The following SDK1 variants were observed in gnomAD, a reference collection of about 807,000 sequenced individuals.
SDK1 encodes sidekick cell adhesion molecule 1, also known as protein sidekick-1.
Under a neutral mutation model 245.5 loss-of-function variants are expected in SDK1, and 157 were observed. That is an observed-to-expected ratio of 0.64 (90% confidence interval 0.56 to 0.73). The LOEUF (loss-of-function observed/expected upper bound fraction) is 0.73. SDK1 is among the 30% of genes least tolerant of loss of function. The probability of loss-of-function intolerance (pLI) is 0.00; values close to 1 mark genes in which losing one functional copy is unlikely to be tolerated. For synonymous variants in SDK1, 1,647 were observed against 1,278.5 expected (o/e 1.29, Z -6.15); for missense variants, 3,583 against 3,002.3 (o/e 1.19, Z -4.52).
In SDK1 at chr7:3,911,494, G is replaced by A. The variant is rs535522212; in HGVS notation, c.848-39429G>A. On this transcript the variant is annotated intron_variant, in intron 5 of 44. Coordinates refer to ENST00000404826, the MANE Select transcript of SDK1 (RefSeq NM_152744.4). ...TCCTCACATGGCGGAAAGGGCAGAC[G>A]GGCTTCCTCAGGCTACCTGAGGAAG... Among the ~76,000 whole-genome samples, 9 of 152,192 alleles carry A rather than the reference G, an allele frequency of 5.9e-5. No homozygotes were observed. The South Asian group carries it at 1.2e-3, about 21-fold the overall frequency.
Position 3,631,189 on chromosome 7 carries a change from C to T in SDK1, c.459-7815C>T, listed in dbSNP as rs144424724. ...GCTCAAGCGATCCACCCACCTTGGC[C>T]TCCCAAAGTGCTGGGATTACAGATG... On this transcript the variant is annotated intron_variant, in intron 2 of 44. Transcript: ENST00000404826. 7.1e-3 allele frequency among the ~76,000 whole-genome samples: 1,083 copies of T among 152,330 alleles called. 3 individuals carry two copies. Among genetic ancestry groups the T allele is most frequent in the Non-Finnish European group, 0.012 (816 of 68,028 alleles).
chr7:3,755,552 C>T (rs1052042927), intron 4 of SDK1, among the ~76,000 whole-genome samples: 4 of 152,098 alleles, frequency 2.6e-5, no homozygotes, highest in East Asian at 3.9e-4. Context: ...TTTTTTAATT[C>T]GTACCCCACA....
intron 4 of SDK1, among the ~76,000 whole-genome samples, chr7:3,730,743 A>G (rs1779152126): frequency 6.6e-6 from 1 of 152,170 alleles, no homozygotes; most frequent in Non-Finnish European, 1.5e-5. Context: ...ATGGATCAAC[A>G]GGCAGCCAAT....
In SDK1 at chr7:4,267,378, A is replaced by G. The variant is rs963456647; in HGVS notation, c.*1994A>G. 7.1e-6 allele frequency: 7 copies of G among 984,506 alleles called. No homozygotes were observed. The highest frequency in any genetic ancestry group is 6.2e-5 in the Admixed American group (1 of 16,176). 61.0% of individuals were successfully genotyped at this position (984,506 alleles called of 1,614,324 possible). A position where few individuals can be genotyped will look rare whatever the true frequency, so the allele number is the denominator to read the frequency against. On this transcript the variant is annotated 3_prime_UTR_variant, in exon 45 of 45. Transcript: ENST00000404826. ...CCTCCTTTTTCTGAGTGGAGGGGGAAATATTCTAAACCAAAAATCCTAGAT... is the reference window on the plus strand; with the variant it reads ...CCTCCTTTTTCTGAGTGGAGGGGGAGATATTCTAAACCAAAAATCCTAGAT...
chr7:4,100,820 G>T lies in SDK1; in HGVS notation c.3325-9843G>T, dbSNP rs143821959. On this transcript the variant is annotated intron_variant, in intron 22 of 44. Transcript: ENST00000404826. ...CTGGAGAGGGAGGCTGGACCGCTCGGCACAGCAAGAGCCGTGAATTGGAGT... is the reference window on the plus strand; with the variant it reads ...CTGGAGAGGGAGGCTGGACCGCTCGTCACAGCAAGAGCCGTGAATTGGAGT... Among the ~76,000 whole-genome samples the T allele has an allele frequency of 4.6e-3, 697 of 152,312 alleles. 4 individuals are homozygous for T. Among genetic ancestry groups the T allele is most frequent in the South Asian group, 0.03 (145 of 4,828 alleles).
intron 4 of SDK1, among the ~76,000 whole-genome samples, chr7:3,707,841 A>G (rs1022381916): frequency 6.6e-6 from 1 of 152,032 alleles, no homozygotes; most frequent in Non-Finnish European, 1.5e-5. Context: ...TTGTTGCTTT[A>G]AAGTCTGTTT....
At chr7:3,857,093 A>G (rs1780566004) in intron 5 of SDK1, among the ~76,000 whole-genome samples, 1 of 152,190 alleles carries the variant, frequency 6.6e-6, no homozygotes, top group Non-Finnish European at 1.5e-5. Flanking sequence ...AACTGAAAAA[A>G]ATTACTCTTA....
Position 4,267,644 on chromosome 7 carries a change from T to A in SDK1, c.*2260T>A. The A allele has an allele frequency of 1.0e-6, 1 of 985,496 alleles. No individual in the cohort carries two copies. The highest frequency in any genetic ancestry group is 4.7e-5 in the South Asian group (1 of 21,290). The allele number at this position is 985,496 out of a possible 1,614,324, so 61.0% of individuals were successfully genotyped here. A position where few individuals can be genotyped will look rare whatever the true frequency, so the allele number is the denominator to read the frequency against. On this transcript the variant is annotated 3_prime_UTR_variant, in exon 45 of 45. Coordinates refer to ENST00000404826, the MANE Select transcript of SDK1 (RefSeq NM_152744.4). ...GCAGCCATGAGGATGTGGCTTTACA[T>A]GCCAGGGAGAGTGTTGAGACGTCTT...
chr7:3,613,795 A>C (rs1583227970), intron 1 of SDK1, among the ~76,000 whole-genome samples: 1 of 151,626 alleles, frequency 6.6e-6, no homozygotes, highest in Non-Finnish European at 1.5e-5. Flanking sequence ...CTACGCAGCC[A>C]TAAAAACTAT....
chr7:3,522,291 A>G (rs1213558490), intron 1 of SDK1, among the ~76,000 whole-genome samples: 1 of 152,190 alleles, frequency 6.6e-6, no homozygotes, highest in Non-Finnish European at 1.5e-5. Flanking sequence ...CTATATGAAT[A>G]TAGAGAGAGC....
chr7:3,387,849 T>A (rs78379935), intron 1 of SDK1, among the ~76,000 whole-genome samples: 7,736 of 152,230 alleles, frequency 0.051, 543 homozygotes, highest in African/African-American at 0.16. Context: ...CACGTTGCGG[T>A]TTACTTAATC....
At chr7:3,490,712 A>C (rs977978641) in intron 1 of SDK1, among the ~76,000 whole-genome samples, 4 of 152,236 alleles carry the variant, frequency 2.6e-5, no homozygotes, top group Non-Finnish European at 5.9e-5. Context: ...TCCTTAAATG[A>C]GGCCAGGCAG....
At chr7:3,800,846 A>G (rs1779090153) in intron 4 of SDK1, among the ~76,000 whole-genome samples, 1 of 152,126 alleles carries the variant, frequency 6.6e-6, no homozygotes, top group Non-Finnish European at 1.5e-5. Flanking sequence ...ACTGTGGTGC[A>G]TTGGAAGCCC....
intron 44 of SDK1, among the ~76,000 whole-genome samples, chr7:4,258,642 G>A (rs977234081): frequency 7.2e-5 from 11 of 152,190 alleles, no homozygotes; most frequent in African/African-American, 2.4e-4. Flanking sequence ...ACCCTAAGAA[G>A]GTCACTTGCA....
intron 1 of SDK1, among the ~76,000 whole-genome samples, chr7:3,476,228 C>G (rs1004371680): frequency 6.6e-6 from 1 of 152,184 alleles, no homozygotes; most frequent in Non-Finnish European, 1.5e-5. Flanking sequence ...GATCTGCTTT[C>G]ACCTTTTATG....
At chr7:3,784,892 C>T (rs901895141) in intron 4 of SDK1, among the ~76,000 whole-genome samples, 1 of 152,168 alleles carries the variant, frequency 6.6e-6, no homozygotes, top group Non-Finnish European at 1.5e-5. Flanking sequence ...GTGTTGAAGA[C>T]GTGTGCACAC....
chr7:3,591,948 C>G (rs1780888777), intron 1 of SDK1, among the ~76,000 whole-genome samples: 1 of 152,190 alleles, frequency 6.6e-6, no homozygotes, highest in African/African-American at 2.4e-5. Context: ...AAGGTGACTT[C>G]TCTTAGATGC....
chr7:4,255,664 A>G (rs1469933427), intron 44 of SDK1, among the ~76,000 whole-genome samples: 1 of 152,068 alleles, frequency 6.6e-6, no homozygotes, highest in Non-Finnish European at 1.5e-5. Flanking sequence ...GGGTTGGGGG[A>G]AAGGGGAAGC....
At chr7:3,316,543 A>G (rs1032367727) in intron 1 of SDK1, among the ~76,000 whole-genome samples, 4 of 152,224 alleles carry the variant, frequency 2.6e-5, no homozygotes, top group Admixed American at 6.5e-5. Context: ...TATATTCAAT[A>G]TAATATAAAT....
Sources: gnomAD v4.1 joint callset for allele counts (sites outside exome capture counted in the v4.1 genomes callset) on GRCh38, gnomAD v4.1.1 for gene constraint, MANE v1.5 for transcripts, NCBI Gene and HGNC (gene_info 2026-07-23, HGNC 2026-07-21) for gene names.